The following FASTKD5 variants were observed in gnomAD, a reference collection of about 807,000 sequenced individuals.
The protein encoded by FASTKD5 is FAST kinase domains 5, also known as non-canonical pre-mRNAs endonuclease FASTKD5, mitochondrial.
Under a neutral mutation model 44.0 loss-of-function variants are expected in FASTKD5, and 30 were observed. The observed-to-expected ratio is 0.68, with a 90% CI of 0.51 to 0.93. The LOEUF (loss-of-function observed/expected upper bound fraction) is 0.93, where lower values mean the gene tolerates loss of function less well. Ranked by LOEUF, FASTKD5 falls within the 40% of genes least tolerant of loss-of-function variation. The pLI is 0.00. For missense variants in FASTKD5, 868 were observed against 908.2 expected (o/e 0.96, Z 0.57); for synonymous variants, 335 against 342.2 (o/e 0.98, Z 0.23).
chr20:3,147,594 C>A lies in FASTKD5; in HGVS notation c.1477G>T (p.Ala493Ser), dbSNP rs375315997. 2.7e-5 allele frequency: 43 copies of A among 1,614,128 alleles called. No homozygotes were observed. In the African/African-American group the frequency reaches 5.6e-4, roughly 21 times the overall value. ...AACCTGACAAACCCTGGACTGAGAG[C>A]GAAATCAATTAACTCTACTGGAAAG... ...EYFPVELIDFALSPGFVRLAQ... is the reference protein window; with the variant it reads ...EYFPVELIDFSLSPGFVRLAQ... Residue 493 changes from alanine to serine, a missense_variant, in exon 2 of 2, where the codon GCT becomes TCT. By Grantham distance (99) the Ala-to-Ser change is moderately conservative (BLOSUM62 1). Transcript: ENST00000380266.
chr20:3,156,324 C>T (rs201642744), intron 1 of FASTKD5, among the ~76,000 whole-genome samples: 2 of 152,108 alleles, frequency 1.3e-5, no homozygotes, highest in East Asian at 1.9e-4. Flanking sequence ...TAAAGGCTCA[C>T]GCCAACATGC....
chr20:3,158,219 C>T (rs1346865561), intron 1 of FASTKD5, among the ~76,000 whole-genome samples: 1 of 152,118 alleles, frequency 6.6e-6, no homozygotes, highest in Non-Finnish European at 1.5e-5. Context: ...AATCCTTCCA[C>T]TTCGGCCTCC....
intron 1 of FASTKD5, among the ~76,000 whole-genome samples, chr20:3,155,825 T>C (rs907881587): frequency 6.6e-6 from 1 of 152,212 alleles, no homozygotes; most frequent in Non-Finnish European, 1.5e-5. Flanking sequence ...CTTAGAGGCA[T>C]GAAGAGCCAA....
intron 1 of FASTKD5, among the ~76,000 whole-genome samples, chr20:3,152,255 T>C (rs997160283): frequency 5.5e-5 from 8 of 144,446 alleles, no homozygotes; most frequent in African/African-American, 1.3e-4. Context: ...CTGAGGCGGG[T>C]GGATCTATGA....
At chr20:3,151,552 C>G (rs1287055129) in intron 1 of FASTKD5, among the ~76,000 whole-genome samples, 1 of 151,948 alleles carries the variant, frequency 6.6e-6, no homozygotes, top group African/African-American at 2.4e-5. Flanking sequence ...CTTTGGGAAG[C>G]TGAGGCAGAA....
At chr20:3,159,115 A>G (rs1296382617) in intron 1 of FASTKD5, among the ~76,000 whole-genome samples, 3 of 152,238 alleles carry the variant, frequency 2.0e-5, no homozygotes, top group Non-Finnish European at 4.4e-5. Flanking sequence ...CGGTTTGCAC[A>G]GAAAGAGAAA....
At position 3,147,642 on chromosome 20, in the gene FASTKD5, G is replaced by A; in HGVS notation, c.1429C>T (p.Leu477=). Residue 477 remains leucine (L), a synonymous_variant, in exon 2 of 2, where the codon CTG becomes TTG. Coordinates refer to ENST00000380266, the MANE Select transcript of FASTKD5 (RefSeq NM_021826.5). The stretch of plus-strand genomic sequence containing the variant: ...AAGTACTCCAAAAATGCCAGGCCCA[G>A]CAGGCAGGTGGGCAGGTGTTCTGGG... ...QYPEHLPTCL[L]GLAFLEYFPV... is the part of the protein sequence containing the mutation. 6.2e-7 allele frequency: 1 copy of A among 1,614,238 alleles called. No individual in the cohort carries two copies. The highest frequency in any genetic ancestry group is 1.7e-5 in the Admixed American group (1 of 60,022).
At chr20:3,156,161 T>C (rs894352478) in intron 1 of FASTKD5, among the ~76,000 whole-genome samples, 1 of 150,954 alleles carries the variant, frequency 6.6e-6, no homozygotes, top group Non-Finnish European at 1.5e-5. Flanking sequence ...CTCAGTCAAT[T>C]AACTTCTGAC....
At chr20:3,152,458 C>T (rs2066639999) in intron 1 of FASTKD5, among the ~76,000 whole-genome samples, 1 of 148,294 alleles carries the variant, frequency 6.7e-6, no homozygotes, top group African/African-American at 2.5e-5. Context: ...GCTGAGATAG[C>T]GCCACTGCAC....
chr20:3,151,520 G>A (rs947740546), intron 1 of FASTKD5, among the ~76,000 whole-genome samples: 1 of 151,922 alleles, frequency 6.6e-6, no homozygotes, highest in Non-Finnish European at 1.5e-5. Context: ...AGAAAAACTT[G>A]GCCACGCCTA....
rs1008026586 is a variant in FASTKD5, at chr20:3,151,980, G to A, written c.-190-2720C>T. The stretch of plus-strand genomic sequence containing the variant: ...ATTAGCCAGGTGTGGTGGCATGAGC[G>A]TGTAATCCCAGCCACTCGGGGGGCT... On this transcript the variant is annotated intron_variant, in intron 1 of 1. Transcript: ENST00000380266. The A allele has an allele frequency of 2.1e-4, 32 of 150,928 alleles. No homozygotes were observed. In the East Asian group the frequency reaches 5.3e-3, roughly 25 times the overall value. The allele number at this position is 150,928 out of a possible 1,614,324, so 9.3% of individuals were successfully genotyped here.
intron 1 of FASTKD5, among the ~76,000 whole-genome samples, chr20:3,154,074 A>G (rs2066660122): frequency 6.6e-6 from 1 of 152,212 alleles, no homozygotes; most frequent in Non-Finnish European, 1.5e-5. Flanking sequence ...CAAAGTAAGG[A>G]GAGCTACCAC....
rs747564436 is a variant in FASTKD5 at position 3,148,246 on chromosome 20, A to C, written c.825T>G (p.Asp275Glu). Residue 275 changes from aspartate to glutamate, a missense_variant, in exon 2 of 2, where the codon GAT becomes GAG. Asp to Glu is a conservative substitution (Grantham distance 45). Coordinates refer to ENST00000380266, the MANE Select transcript of FASTKD5 (RefSeq NM_021826.5). ...AGTGAACTAGCTGAGACAAGGATAG[A>C]TCCTTCCAGTGCAAATTAAGATAAC... ...FSSYLNLHWK[D>E]LSLSQLVHLI... 10 of 1,613,512 alleles carry C rather than the reference A, an allele frequency of 6.2e-6. No homozygotes were observed. The highest frequency in any genetic ancestry group is 3.3e-4 in the Middle Eastern group (2 of 6,060).
In FASTKD5 at chr20:3,148,599, G is replaced by C; in HGVS notation, c.472C>G (p.Leu158Val). 6.2e-7 allele frequency: 1 copy of C among 1,614,034 alleles called. No homozygotes were observed. The highest frequency in any genetic ancestry group is 8.5e-7 in the Non-Finnish European group (1 of 1,180,046). ...TAATCAACAATGACTTGAGCCTGGA[G>C]ATTATTTTGATTAACTCTGACTTTG... The part of the protein sequence containing the change: ...LHKVRVNQNN[L>V]QAQVIVDYLC... Residue 158 changes from leucine (L) to valine (V), a missense_variant, in exon 2 of 2, where the codon CTC (leucine) becomes GTC (valine). Coordinates refer to ENST00000380266, the MANE Select transcript of FASTKD5 (RefSeq NM_021826.5).
Position 3,147,420 on chromosome 20 carries a change from T to C in FASTKD5, c.1651A>G (p.Lys551Glu). The C allele has an allele frequency of 1.2e-6, 2 of 1,614,162 alleles. No homozygotes were observed. Among genetic ancestry groups the C allele is most frequent in the Non-Finnish European group, 1.7e-6 (2 of 1,180,032 alleles). The change falls in exon 2 of 2, where the codon AAG (lysine) becomes GAG (glutamate). Residue 551 changes from lysine to glutamate, a missense_variant. By Grantham distance (56) the Lys-to-Glu change is moderately conservative. Coordinates refer to ENST00000380266, the MANE Select transcript of FASTKD5 (RefSeq NM_021826.5). ...GSELLWYLAE[K>E]DMNSKPEFLE... is the part of the protein sequence containing the mutation. ...AATTCAGGCTTTGAATTCATATCCT[T>C]CTCTGCTAAATACCACAGCAATTCA...
In FASTKD5 at chr20:3,148,341, G is replaced by A; in HGVS notation, c.730C>T (p.Leu244Phe). ...CTCCAGAGATCAGCCACCAAAAGGA[G>A]CTGATCCATATTCATCTCCCATACC... ...HQVWEMNMDQ[L>F]LLVADLWRYL... The change falls in exon 2 of 2, where the codon CTC becomes TTC. Residue 244 changes from leucine (L) to phenylalanine (F), a missense_variant. Coordinates refer to ENST00000380266, the MANE Select transcript of FASTKD5 (RefSeq NM_021826.5). 1 of 1,614,150 alleles carries A rather than the reference G, an allele frequency of 6.2e-7. No individual in the cohort carries two copies.
chr20:3,148,452 T>A lies in FASTKD5; in HGVS notation c.619A>T (p.Ile207Phe), dbSNP rs573803825. Reference sequence around the variant, plus strand: ...ATGACAAAAGCTTTCAAAACATTGATCAGATCTTGGGTATCAAAGAGCTGT... The same window carrying A: ...ATGACAAAAGCTTTCAAAACATTGAACAGATCTTGGGTATCAAAGAGCTGT... ...KIQLFDTQDL[I>F]NVLKAFVILG... The change falls in exon 2 of 2, where the codon ATC (isoleucine) becomes TTC (phenylalanine). Residue 207 changes from isoleucine (I) to phenylalanine (F), a missense_variant. Physicochemically the swap from Ile to Phe is conservative, Grantham distance 21. Coordinates refer to ENST00000380266, the MANE Select transcript of FASTKD5 (RefSeq NM_021826.5). 1 of 1,614,120 alleles carries A rather than the reference T, an allele frequency of 6.2e-7. No individual in the cohort carries two copies.
At chr20:3,155,052 CAAAAAAAAAAA>C (rs11326176) in intron 1 of FASTKD5, among the ~76,000 whole-genome samples, 2 of 96,106 alleles carry the variant, frequency 2.1e-5, no homozygotes, top group Admixed American at 2.3e-4. Context: ...GACACAGTCT[CAAAAAAAAAAA>C]AAAAAAAAAG....
At chr20:3,154,662 A>C (rs1244177828) in intron 1 of FASTKD5, among the ~76,000 whole-genome samples, 11 of 152,214 alleles carry the variant, frequency 7.2e-5, no homozygotes, top group Non-Finnish European at 1.3e-4. Flanking sequence ...TGACAGAGAG[A>C]GACCCTATCT....
Sources: gnomAD v4.1 joint callset for allele counts (sites outside exome capture counted in the v4.1 genomes callset) on GRCh38, gnomAD v4.1.1 for gene constraint, MANE v1.5 for transcripts, NCBI Gene and HGNC (gene_info 2026-07-23, HGNC 2026-07-21) for gene names.